NRXN1: variants seen among roughly 807,000 people sequenced by gnomAD.
The protein encoded by NRXN1 is neurexin-1.
A neutral mutation model predicts 150.9 loss-of-function variants in NRXN1; 39 were observed. That is an observed-to-expected ratio of 0.26 (90% CI 0.20 to 0.34). NRXN1 has a LOEUF of 0.34. NRXN1 is among the 10% of genes least tolerant of loss of function. NRXN1 has a pLI of 1.00. For synonymous variants in NRXN1, 924 were observed against 757.0 expected (o/e 1.22, Z -3.62); for missense variants, 1,815 against 1,949.9 (o/e 0.93, Z 1.30).
intron 5 of NRXN1, among the ~76,000 whole-genome samples, chr2:50,730,077 C>G (rs1238201226): frequency 6.6e-6 from 1 of 152,104 alleles, no homozygotes; most frequent in Non-Finnish European, 1.5e-5. Context: ...ATAGCATTTA[C>G]ATATTATTAA....
chr2:50,219,912 AAATC>A (rs66746255), intron 18 of NRXN1, among the ~76,000 whole-genome samples: 46,550 of 112,024 alleles, frequency 0.42, 10,367 homozygotes, highest in Middle Eastern at 0.46. Flanking sequence ...TATATATATA[AAATC>A]TCTCTCTATA....
rs536431567 is a variant in NRXN1, at chr2:50,979,900, T to C, written c.772+47602A>G. Among the ~76,000 whole-genome samples the C allele has an allele frequency of 3.3e-5, 5 of 152,266 alleles. No homozygotes were observed. In the East Asian group the frequency reaches 5.8e-4, roughly 18 times the overall value. On this transcript the variant is annotated intron_variant, in intron 2 of 22. Coordinates refer to ENST00000401669, the MANE Select transcript of NRXN1 (RefSeq NM_001330078.2). Reference sequence around the variant, plus strand: ...TTCAAACATCTGTTTGTTCTAATTTTAACAAAAGTTGTCCCATGATTAGAA... The same window carrying C: ...TTCAAACATCTGTTTGTTCTAATTTCAACAAAAGTTGTCCCATGATTAGAA...
rs2152630050 is a variant in NRXN1, at chr2:50,055,041, T to C, written c.3722A>G (p.Asn1241Ser). 6.3e-7 allele frequency: 1 copy of C among 1,593,372 alleles called. No individual in the cohort carries two copies. Among genetic ancestry groups the C allele is most frequent in the Non-Finnish European group, 8.5e-7 (1 of 1,170,834 alleles). ...WPVIERYPAG[N>S]NDNERLAIAR... Reference sequence around the variant, plus strand: ...AATCGCCAGGCGCTCGTTATCATTGTTTCCTTTAAAGTTTAAAGAGACATT... The same window carrying C: ...AATCGCCAGGCGCTCGTTATCATTGCTTCCTTTAAAGTTTAAAGAGACATT... Residue 1241 changes from asparagine (N) to serine (S), a missense_variant, in exon 20 of 23, where the codon AAC becomes AGC. Coordinates refer to ENST00000401669, the MANE Select transcript of NRXN1 (RefSeq NM_001330078.2).
At chr2:50,773,459 G>T (rs1312515381) in intron 5 of NRXN1, among the ~76,000 whole-genome samples, 1 of 152,132 alleles carries the variant, frequency 6.6e-6, no homozygotes, top group African/African-American at 2.4e-5. Flanking sequence ...AAAGCTGCCA[G>T]ATAGAAGGCC....
At chr2:50,096,712 GTGACAATGGTAATTATTGATTTTT>G (rs1700273825) in intron 18 of NRXN1, among the ~76,000 whole-genome samples, 1 of 152,152 alleles carries the variant, frequency 6.6e-6, no homozygotes, top group Admixed American at 6.5e-5. Context: ...TAAATAAACA[GTGACAATGGTAATTATTGATTTTT>G]TTACAAAAGC....
intron 5 of NRXN1, among the ~76,000 whole-genome samples, chr2:50,916,409 T>C (rs1202007365): frequency 2.0e-5 from 3 of 151,488 alleles, no homozygotes; most frequent in Non-Finnish European, 4.4e-5. Context: ...ATTACATTGT[T>C]TTTTAACCTC....
intron 17 of NRXN1, among the ~76,000 whole-genome samples, chr2:50,273,350 G>C (rs1042154710): frequency 6.6e-6 from 1 of 152,134 alleles, no homozygotes; most frequent in Non-Finnish European, 1.5e-5. Flanking sequence ...ATTAAAGTTA[G>C]TTCTCAAATG....
chr2:50,720,124 G>A (rs1696439804), intron 5 of NRXN1, among the ~76,000 whole-genome samples: 1 of 152,154 alleles, frequency 6.6e-6, no homozygotes, highest in African/African-American at 2.4e-5. Flanking sequence ...TGTCCAGCAA[G>A]TGGTCTGATT....
rs1670696671 is a variant in NRXN1, at chr2:51,027,478, CGTGGGTCGGGCGTCGGGCCTT to C, written c.772+3_772+23del. The C allele has an allele frequency of 6.7e-7, 1 of 1,493,822 alleles. No individual in the cohort carries two copies. The highest frequency in any genetic ancestry group is 1.4e-5 in the South Asian group (1 of 72,892). The allele number at this position is 1,493,822 out of a possible 1,614,324, so 92.5% of individuals were successfully genotyped here. On this transcript the variant is annotated splice_donor_5th_base_variant and intron_variant, in intron 2 of 22. Coordinates refer to ENST00000401669, the MANE Select transcript of NRXN1 (RefSeq NM_001330078.2). ...CGAGCCCCGCCCAGGCCCCGGCCCCCGTGGGTCGGGCGTCGGGCCTTACCTTGGCTGCAGTCCTTGCCGCGG... is the reference window on the plus strand; with the variant it reads ...CGAGCCCCGCCCAGGCCCCGGCCCCCACCTTGGCTGCAGTCCTTGCCGCGG...
At chr2:49,978,680 G>A (rs1679433042) in intron 21 of NRXN1, among the ~76,000 whole-genome samples, 1 of 137,986 alleles carries the variant, frequency 7.2e-6, no homozygotes, top group Non-Finnish European at 1.5e-5. Context: ...AGAGGAGAGA[G>A]AGAGAGATAG....
intron 16 of NRXN1, among the ~76,000 whole-genome samples, chr2:50,471,144 C>T (rs190434597): frequency 1.4e-3 from 216 of 151,508 alleles, no homozygotes; most frequent in African/African-American, 5.0e-3. Context: ...AAGTGGTTTT[C>T]GGTTACATGG....
intron 17 of NRXN1, among the ~76,000 whole-genome samples, chr2:50,311,293 T>C (rs897414324): frequency 1.3e-5 from 2 of 152,176 alleles, no homozygotes; most frequent in Non-Finnish European, 2.9e-5. Context: ...GCATGCATCA[T>C]AGAAAATCAT....
At chr2:50,417,065 C>A (rs1256714269) in intron 17 of NRXN1, 2 of 152,026 alleles carry the variant, frequency 1.3e-5, no homozygotes, top group Non-Finnish European at 2.9e-5. Flanking sequence ...GAAGAAGGGA[C>A]CCACCCATTA....
At position 50,465,539 on chromosome 2, in the gene NRXN1, C is replaced by T. The variant is rs563024628; in HGVS notation, c.3267G>A (p.Glu1089=). 6.2e-7 allele frequency: 1 copy of T among 1,609,880 alleles called. No homozygotes were observed. Among genetic ancestry groups the T allele is most frequent in the Non-Finnish European group, 8.5e-7 (1 of 1,177,684 alleles). The change falls in exon 17 of 23, where the codon GAG becomes GAA. Residue 1089 remains glutamate, a synonymous_variant. Transcript: ENST00000401669. ...GCEGPSTTCQ[E]DSCSNQGVCL... ...ACACACCTTGATTGGAACATGAGTC[C>T]TCTTGGCAGGTTGTGCTGGGCCCTG...
At chr2:50,016,433 A>G (rs917425949) in intron 21 of NRXN1, 1 of 152,032 alleles carries the variant, frequency 6.6e-6, no homozygotes, top group Non-Finnish European at 1.5e-5. Flanking sequence ...TTCTGTTCTC[A>G]CCCTGCTATA....
intron 18 of NRXN1, among the ~76,000 whole-genome samples, chr2:50,196,511 C>T (rs1405046159): frequency 6.6e-6 from 1 of 152,104 alleles, no homozygotes; most frequent in African/African-American, 2.4e-5. Context: ...CTACCATGCA[C>T]CATCCTTATC....
intron 2 of NRXN1, among the ~76,000 whole-genome samples, chr2:51,021,736 T>C (rs576405482): frequency 6.6e-6 from 1 of 152,138 alleles, no homozygotes; most frequent in South Asian, 2.1e-4. Flanking sequence ...ATCTTTTTTA[T>C]ACTAAAACTA....
intron 8 of NRXN1, among the ~76,000 whole-genome samples, chr2:50,586,975 T>G (rs17039327): frequency 1.3e-5 from 2 of 152,184 alleles, no homozygotes; most frequent in Non-Finnish European, 2.9e-5. Context: ...TGTTTTGTAT[T>G]AGGAAAGATA....
At chr2:50,973,416 A>G (rs1575096982) in intron 2 of NRXN1, among the ~76,000 whole-genome samples, 1 of 152,124 alleles carries the variant, frequency 6.6e-6, no homozygotes, top group East Asian at 1.9e-4. Flanking sequence ...TATGGTTCTC[A>G]TTTGTCTTAA....
Sources: gnomAD v4.1 joint callset for allele counts (sites outside exome capture counted in the v4.1 genomes callset) on GRCh38, gnomAD v4.1.1 for gene constraint, MANE v1.5 for transcripts, NCBI Gene and HGNC (gene_info 2026-07-23, HGNC 2026-07-21) for gene names.